Variants in DHFR2 observed in about 807,000 individuals in gnomAD.
The protein encoded by DHFR2 is dihydrofolate reductase 2, mitochondrial.
A neutral mutation model predicts 12.0 loss-of-function variants in DHFR2; 11 were observed. That is an observed-to-expected ratio of 0.92 (90% CI 0.58 to 1.52). The LOEUF (loss-of-function observed/expected upper bound fraction) is 1.52. DHFR2 is among the 40% of genes most tolerant of loss of function. The pLI is 0.00. For missense variants in DHFR2, 188 were observed against 221.2 expected (o/e 0.85, Z 0.95); for synonymous variants, 87 against 79.6 (o/e 1.09, Z -0.49).
In DHFR2 at chr3:94,060,073, A is replaced by C. The variant is rs1246448858; in HGVS notation, c.*875T>G. 6.6e-6 allele frequency: 1 copy of C among 152,080 alleles called. No homozygotes were observed. Among genetic ancestry groups the C allele is most frequent in the Non-Finnish European group, 1.5e-5 (1 of 68,036 alleles). 9.4% of individuals were successfully genotyped at this position (152,080 alleles called of 1,614,324 possible). On this transcript the variant is annotated 3_prime_UTR_variant, in exon 2 of 2. Transcript: ENST00000314636. Reference sequence around the variant, plus strand: ...TTCTGTCTTAAAAAGAAAAAAAAAAAAAAGTATGAAGAGTTTACATACTTA... The same window carrying C: ...TTCTGTCTTAAAAAGAAAAAAAAAACAAAGTATGAAGAGTTTACATACTTA...
chr3:94,061,448 C>A lies in DHFR2; in HGVS notation c.64G>T (p.Asp22Tyr). 6.2e-7 allele frequency: 1 copy of A among 1,614,170 alleles called. No individual in the cohort carries two copies. Among genetic ancestry groups the A allele is most frequent in the African/African-American group, 1.3e-5 (1 of 75,036 alleles). Residue 22 changes from aspartate to tyrosine, a missense_variant, in exon 2 of 2, where the codon GAC (aspartate) becomes TAC (tyrosine). Asp to Tyr is a radical substitution (Grantham distance 160, BLOSUM62 -3). Coordinates refer to ENST00000314636, the MANE Select transcript of DHFR2 (RefSeq NM_176815.5). ...TTCCTGAGCGGCGGCCTGGGCAGGT[C>A]CCCGTTCTTGCCGATGCCCATGTTT... ...SQNMGIGKNG[D>Y]LPRPPLRNEF... is the part of the protein sequence containing the mutation.
chr3:94,059,854 G>A lies in DHFR2; in HGVS notation c.*1094C>T, dbSNP rs563605694. 46 of 152,330 alleles carry A rather than the reference G, an allele frequency of 3.0e-4. 1 individual carries two copies. The highest frequency in any genetic ancestry group is 1.1e-3 in the African/African-American group (46 of 41,548). The allele number at this position is 152,330 out of a possible 1,614,324, so 9.4% of individuals were successfully genotyped here. A position where few individuals can be genotyped will look rare whatever the true frequency, so the allele number is the denominator to read the frequency against. ...GAGGCAGGAGGATCACCTGAGGTCAGGAGTTCGAGACTAGCCTGACCAACA... is the reference window on the plus strand; with the variant it reads ...GAGGCAGGAGGATCACCTGAGGTCAAGAGTTCGAGACTAGCCTGACCAACA... On this transcript the variant is annotated 3_prime_UTR_variant, in exon 2 of 2. Transcript: ENST00000314636.
In DHFR2 at chr3:94,062,766, G is replaced by A. The variant is rs1050354640; in HGVS notation, c.-116C>T. On this transcript the variant is annotated 5_prime_UTR_variant, in exon 1 of 2. Transcript: ENST00000314636. ...CCCACCTCAGCATCCGCAGAAGCAG[G>A]GGCCGCACAGGCGCGCAGATGTGTG... 1 of 283,274 alleles carries A rather than the reference G, an allele frequency of 3.5e-6. No individual in the cohort carries two copies. The allele number at this position is 283,274 out of a possible 1,614,324, so 17.5% of individuals were successfully genotyped here. A position where few individuals can be genotyped will look rare whatever the true frequency, so the allele number is the denominator to read the frequency against.
chr3:94,063,181 C>T (rs1433470326), upstream of DHFR2: 1 of 1,608,334 alleles, frequency 6.2e-7, no homozygotes, highest in African/African-American at 1.3e-5. Context: ...CTGAATGAGA[C>T]GCTTCTGGAC....
upstream of DHFR2, chr3:94,062,954 C>A: frequency 1.5e-6 from 1 of 687,046 alleles, no homozygotes; most frequent in East Asian, 2.7e-5. Context: ...GCCTCTTCGA[C>A]AAGAATTCTA....
At position 94,061,016 on chromosome 3, in the gene DHFR2, C is replaced by T. The variant is rs17855824; in HGVS notation, c.496G>A (p.Val166Ile). ...TTCCCCTCCTGGACATCAGAGAGAA[C>T]ACCTGGGTATTCAGGCAGAAGTTTA... ...KYKLLPEYPG[V>I]LSDVQEGKHI... is the part of the protein sequence containing the mutation. The change falls in exon 2 of 2, where the codon GTT becomes ATT. Residue 166 changes from valine to isoleucine, a missense_variant. Physicochemically the swap from Val to Ile is conservative, Grantham distance 29. Transcript: ENST00000314636. The T allele has an allele frequency of 0.11, 170,196 of 1,613,754 alleles. 9,686 individuals are homozygous for T. Among genetic ancestry groups the T allele is most frequent in the Middle Eastern group, 0.15 (918 of 6,056 alleles).
Position 94,060,978 on chromosome 3 carries a change from G to C in DHFR2, c.534C>G (p.Tyr178Ter). The change falls in exon 2 of 2, where the codon TAC becomes TAG. Residue 178 changes from tyrosine (Y) to a stop codon, truncating the protein, a stop_gained. Transcript: ENST00000314636. LOFTEE classifies it high-confidence loss of function. ...CATCCTTCTCACATACTTCAAATTT[G>C]TACTTGATGTGTTTCCCCTCCTGGA... is the stretch of plus-strand genomic sequence containing the variant. ...SDVQEGKHIKYKFEVCEKDD is the reference protein window; with the variant it reads ...SDVQEGKHIK 6.2e-7 allele frequency: 1 copy of C among 1,613,802 alleles called. No individual in the cohort carries two copies. The highest frequency in any genetic ancestry group is 8.5e-7 in the Non-Finnish European group (1 of 1,179,810).
chr3:94,060,972 A>G lies in DHFR2; in HGVS notation c.540T>C (p.Phe180=). Residue 180 remains phenylalanine, a synonymous_variant, in exon 2 of 2, where the codon TTT becomes TTC. Transcript: ENST00000314636. ...VQEGKHIKYK[F]EVCEKDD ...ATTAATCATCCTTCTCACATACTTC[A>G]AATTTGTACTTGATGTGTTTCCCCT... The G allele has an allele frequency of 6.2e-7, 1 of 1,613,808 alleles. No individual in the cohort carries two copies. The highest frequency in any genetic ancestry group is 1.1e-5 in the South Asian group (1 of 91,056).
rs2077157745 is a variant in DHFR2 at position 94,058,753 on chromosome 3, T to A, written c.*2195A>T. On this transcript the variant is annotated 3_prime_UTR_variant, in exon 2 of 2. Coordinates refer to ENST00000314636, the MANE Select transcript of DHFR2 (RefSeq NM_176815.5). ...TTTTGTTTTTTTTTTTTTTTACTTT[T>A]GCTTTATCTTCAATGCACTTCTTTC... 6.3e-6 allele frequency: 1 copy of A among 158,952 alleles called. No individual in the cohort carries two copies. The highest frequency in any genetic ancestry group is 2.4e-5 in the African/African-American group (1 of 41,712). 9.8% of individuals were successfully genotyped at this position (158,952 alleles called of 1,614,324 possible). A position where few individuals can be genotyped will look rare whatever the true frequency, so the allele number is the denominator to read the frequency against.
chr3:94,062,495 G>A (rs1261742727), intron 1 of DHFR2, among the ~76,000 whole-genome samples: 1 of 152,062 alleles, frequency 6.6e-6, no homozygotes, highest in Non-Finnish European at 1.5e-5. Context: ...AGGTTAACAG[G>A]GGTCACTAGA....
rs1282952107 is a variant in DHFR2 at position 94,061,273 on chromosome 3, A to C, written c.239T>G (p.Leu80Arg). The change falls in exon 2 of 2, where the codon CTC becomes CGC. Residue 80 changes from leucine to arginine, a missense_variant. Coordinates refer to ENST00000314636, the MANE Select transcript of DHFR2 (RefSeq NM_176815.5). ...DRINLVLSRE[L>R]KEPPQGAHFL... ...ATGAGCTCCTTGTGGAGGTTCCTTG[A>C]GTTCTCTGCTGAGAACTAAATTAAT... 3.1e-6 allele frequency: 5 copies of C among 1,613,858 alleles called. No homozygotes were observed. In the African/African-American group the frequency reaches 6.7e-5, roughly 22 times the overall value.
chr3:94,061,485 G>A lies in DHFR2; in HGVS notation c.27C>T (p.Val9=), dbSNP rs144964170. ...CGATGCCCATGTTTTGGGACACAGC[G>A]ACGATGCAGTTTAGCAAAAGAAACA... is the stretch of plus-strand genomic sequence containing the variant. MFLLLNCI[V]AVSQNMGIGK... The change falls in exon 2 of 2, where the codon GTC becomes GTT. Residue 9 remains valine, a synonymous_variant. Transcript: ENST00000314636. 150 of 1,614,108 alleles carry A rather than the reference G, an allele frequency of 9.3e-5. No homozygotes were observed. In the African/African-American group the frequency reaches 1.7e-3, roughly 18 times the overall value.
Position 94,060,774 on chromosome 3 carries a change from A to G in DHFR2, c.*174T>C. On this transcript the variant is annotated 3_prime_UTR_variant, in exon 2 of 2. Transcript: ENST00000314636. ...GGGTCTTGGAGAGACAGTTATAGCAAGAATGTTTCATAAATGGTATCTGAT... is the reference window on the plus strand; with the variant it reads ...GGGTCTTGGAGAGACAGTTATAGCAGGAATGTTTCATAAATGGTATCTGAT... 1 of 760,808 alleles carries G rather than the reference A, an allele frequency of 1.3e-6. No individual in the cohort carries two copies. Among genetic ancestry groups the G allele is most frequent in the Admixed American group, 2.9e-5 (1 of 34,028 alleles). 47.1% of individuals were successfully genotyped at this position (760,808 alleles called of 1,614,324 possible).
rs2077158469 is a variant in DHFR2 at position 94,058,881 on chromosome 3, T to C, written c.*2067A>G. 6.5e-6 allele frequency: 1 copy of C among 154,658 alleles called. No homozygotes were observed. Among genetic ancestry groups the C allele is most frequent in the Non-Finnish European group, 1.4e-5 (1 of 69,824 alleles). 9.6% of individuals were successfully genotyped at this position (154,658 alleles called of 1,614,324 possible). A position where few individuals can be genotyped will look rare whatever the true frequency, so the allele number is the denominator to read the frequency against. ...TCTTGGGCTCAAGCCATCCTTTTGC[T>C]TAGCCTCCTGAGTAGCTGGGACTAC... On this transcript the variant is annotated 3_prime_UTR_variant, in exon 2 of 2. Transcript: ENST00000314636.
rs1241248049 is a variant in DHFR2 at position 94,061,413 on chromosome 3, C to A, written c.99G>T (p.Arg33Ser). Residue 33 changes from arginine (R) to serine (S), a missense_variant, in exon 2 of 2, where the codon AGG (arginine) becomes AGT (serine). Physicochemically the swap from Arg to Ser is moderately radical, Grantham distance 110 (BLOSUM62 -1). Coordinates refer to ENST00000314636, the MANE Select transcript of DHFR2 (RefSeq NM_176815.5). ...AAGTTGTGGTCATTCTCTGGAAATA[C>A]CTGAATTCATTCCTGAGCGGCGGCC... ...LPRPPLRNEF[R>S]YFQRMTTTSS... 7 of 1,614,210 alleles carry A rather than the reference C, an allele frequency of 4.3e-6. No individual in the cohort carries two copies. The highest frequency in any genetic ancestry group is 5.9e-6 in the Non-Finnish European group (7 of 1,180,050).
rs1379931453 is a variant in DHFR2, at chr3:94,059,865, C to T, written c.*1083G>A. ...ATCACCTGAGGTCAGGAGTTCGAGA[C>T]TAGCCTGACCAACATGGAATGTCCC... On this transcript the variant is annotated 3_prime_UTR_variant, in exon 2 of 2. Transcript: ENST00000314636. The T allele has an allele frequency of 6.6e-6, 1 of 152,132 alleles. No individual in the cohort carries two copies. Among genetic ancestry groups the T allele is most frequent in the Non-Finnish European group, 1.5e-5 (1 of 68,064 alleles). The allele number at this position is 152,132 out of a possible 1,614,324, so 9.4% of individuals were successfully genotyped here.
rs1199896227 is a variant in DHFR2, at chr3:94,060,988, T to C, written c.524A>G (p.His175Arg). 1.2e-6 allele frequency: 2 copies of C among 1,613,930 alleles called. No individual in the cohort carries two copies. Among genetic ancestry groups the C allele is most frequent in the African/African-American group, 1.3e-5 (1 of 75,040 alleles). The change falls in exon 2 of 2, where the codon CAC becomes CGC. Residue 175 changes from histidine to arginine, a missense_variant. His to Arg is a conservative substitution (Grantham distance 29). Coordinates refer to ENST00000314636, the MANE Select transcript of DHFR2 (RefSeq NM_176815.5). ...ACATACTTCAAATTTGTACTTGATG[T>C]GTTTCCCCTCCTGGACATCAGAGAG... ...GVLSDVQEGKHIKYKFEVCEK... is the reference protein window; with the variant it reads ...GVLSDVQEGKRIKYKFEVCEK...
In DHFR2 at chr3:94,060,126, A is replaced by ATTCACCGG. The variant is rs1383772799; in HGVS notation, c.*821_*822insCCGGTGAA. ...CATGGAATTGCTTTAAGTGTTTGGC[A>ATTCACCGG]TTCACCGTTCCCGTACATTACAGCA... On this transcript the variant is annotated 3_prime_UTR_variant, in exon 2 of 2. Coordinates refer to ENST00000314636, the MANE Select transcript of DHFR2 (RefSeq NM_176815.5). 6.6e-6 allele frequency: 1 copy of ATTCACCGG among 152,090 alleles called. No homozygotes were observed. The highest frequency in any genetic ancestry group is 6.6e-5 in the Admixed American group (1 of 15,258). The allele number at this position is 152,090 out of a possible 1,614,324, so 9.4% of individuals were successfully genotyped here. A position where few individuals can be genotyped will look rare whatever the true frequency, so the allele number is the denominator to read the frequency against.
At chr3:94,062,945 C>T (rs561192140), upstream of DHFR2, 3 of 637,534 alleles carry the variant, frequency 4.7e-6, no homozygotes, top group Non-Finnish European at 8.3e-6. Context: ...GGGAGCTAAG[C>T]CTCTTCGACA....
Sources: gnomAD v4.1 joint callset for allele counts (sites outside exome capture counted in the v4.1 genomes callset) on GRCh38, gnomAD v4.1.1 for gene constraint, MANE v1.5 for transcripts, NCBI Gene and HGNC (gene_info 2026-07-23, HGNC 2026-07-21) for gene names.